LAMA5: variants seen among roughly 807,000 people sequenced by gnomAD.
LAMA5 encodes the protein laminin subunit alpha-5.
A neutral mutation model predicts 433.4 loss-of-function variants in LAMA5; 260 were observed. That is an observed-to-expected ratio of 0.60 (90% CI 0.54 to 0.66). The LOEUF (loss-of-function observed/expected upper bound fraction) is 0.66, where lower values mean the gene tolerates loss of function less well. LAMA5 is among the 30% of genes least tolerant of loss of function. The pLI is 0.00. For synonymous variants in LAMA5, 2,620 were observed against 2,226.6 expected, an observed-to-expected ratio of 1.18 and a Z score of -4.97; for missense variants, 5,378 against 5,258.5, an observed-to-expected ratio of 1.02 and a Z score of -0.70.
At position 62,362,442 on chromosome 20, in the gene LAMA5, G is replaced by T; in HGVS notation, c.408C>A (p.Gly136=). 6.3e-7 allele frequency: 1 copy of T among 1,587,804 alleles called. No homozygotes were observed. ...RWWQSPPLSR[G]LEYNEVNVTL... is the part of the protein sequence containing the mutation. ...TGACGTTGACCTCGTTGTACTCCAG[G>T]CCGCGGGACAGCGGTGGACTCTGCC... is the stretch of plus-strand genomic sequence containing the variant. Residue 136 remains glycine, a synonymous_variant, in exon 2 of 80, where the codon GGC becomes GGA. Coordinates refer to ENST00000252999, the MANE Select transcript of LAMA5 (RefSeq NM_005560.6).
intron 6 of LAMA5, among the ~76,000 whole-genome samples, chr20:62,348,461 G>A (rs1983699477): frequency 6.6e-6 from 1 of 152,032 alleles, no homozygotes; most frequent in South Asian, 2.1e-4. Context: ...CAAAAAATTA[G>A]CCGGGTGTGG....
intron 48 of LAMA5, among the ~76,000 whole-genome samples, chr20:62,321,726 T>TGGAGGGGTGGTGC (rs1987822246): frequency 1.6e-5 from 1 of 63,810 alleles, no homozygotes. Context: ...AGGGGTGGGG[T>TGGAGGGGTGGTGC]CAGTGGAGGG....
At chr20:62,342,657 C>T (rs4925381) in intron 11 of LAMA5, among the ~76,000 whole-genome samples, 8,586 of 151,434 alleles carry the variant, frequency 0.057, 326 homozygotes, top group East Asian at 0.17. Flanking sequence ...CCAGTCTGGG[C>T]GACAGAGCGA....
At position 62,322,150 on chromosome 20, in the gene LAMA5, C is replaced by T. The variant is rs539783247; in HGVS notation, c.6365G>A (p.Gly2122Asp). ...QGCRRCQCPG[G>D]RCDPHTGRCN... is the part of the protein sequence containing the mutation. ...GCGGCCCGTGTGAGGGTCACAGCGG[C>T]CCCCAGGGCACTGGCAGCCTGTGGT... The change falls in exon 48 of 80, where the codon GGC becomes GAC. Residue 2122 changes from glycine (G) to aspartate (D), a missense_variant. Physicochemically the swap from Gly to Asp is moderately conservative, Grantham distance 94. Coordinates refer to ENST00000252999, the MANE Select transcript of LAMA5 (RefSeq NM_005560.6). 1.9e-6 allele frequency: 3 copies of T among 1,597,258 alleles called. No homozygotes were observed. The highest frequency in any genetic ancestry group is 1.3e-5 in the African/African-American group (1 of 74,620).
intron 6 of LAMA5, among the ~76,000 whole-genome samples, chr20:62,350,389 A>G (rs921308102): frequency 7.2e-5 from 11 of 152,124 alleles, no homozygotes; most frequent in Admixed American, 5.9e-4. Flanking sequence ...CCTCCGGCTC[A>G]GGTGACTGTG....
chr20:62,325,586 A>G, intron 40 of LAMA5, 40 bp from the exon 41 acceptor site: 2 of 1,386,522 alleles, frequency 1.4e-6, no homozygotes, highest in Non-Finnish European at 2.0e-6. Context: ...GCCACACTCA[A>G]TGGGACAGAA....
intron 2 of LAMA5, among the ~76,000 whole-genome samples, chr20:62,360,315 GGGGTGGGT>G (rs1214419452): frequency 4.1e-4 from 4 of 9,686 alleles, no homozygotes; most frequent in Admixed American, 2.4e-3. Flanking sequence ...CATAGGTAGG[GGGGTGGGT>G]GGGTGGATGG....
rs766399151 is a variant in LAMA5, at chr20:62,346,953, C to T, written c.1032G>A (p.Pro344=). Residue 344 remains proline, a synonymous_variant, in exon 7 of 80, where the codon CCG becomes CCA. Coordinates refer to ENST00000252999, the MANE Select transcript of LAMA5 (RefSeq NM_005560.6). ...DRCCPGFNQQ[P]WKPATANSAN... is the part of the protein sequence containing the mutation. ...CACTGTTGGCAGTCGCAGGCTTCCA[C>T]GGCTGCTGATTGAAGCCGGGGCAGC... 41 of 1,612,694 alleles carry T rather than the reference C, an allele frequency of 2.5e-5. No homozygotes were observed. Among genetic ancestry groups the T allele is most frequent in the South Asian group, 9.9e-5 (9 of 91,076 alleles).
Position 62,359,129 on chromosome 20 carries a change from G to C in LAMA5, c.450+3271C>G, listed in dbSNP as rs1293015296. ...CCCCACCTGTAGCACCTGCAGCGTGGCCTGCTCTACAGAGAACAAAGCAGG... is the reference window on the plus strand; with the variant it reads ...CCCCACCTGTAGCACCTGCAGCGTGCCCTGCTCTACAGAGAACAAAGCAGG... On this transcript the variant is annotated intron_variant, in intron 2 of 79. Transcript: ENST00000252999. The surrounding 1 kb of genome is among the most constrained non-coding windows in gnomAD (Gnocchi z 4.3). Among the ~76,000 whole-genome samples the C allele has an allele frequency of 1.3e-5, 2 of 152,192 alleles. No individual in the cohort carries two copies. Among genetic ancestry groups the C allele is most frequent in the Non-Finnish European group, 2.9e-5 (2 of 68,024 alleles).
chr20:62,364,128 G>C (rs571427524), intron 1 of LAMA5, among the ~76,000 whole-genome samples: 2 of 152,200 alleles, frequency 1.3e-5, no homozygotes, highest in Non-Finnish European at 2.9e-5. Context: ...GATGGGGCTA[G>C]AGCAACTGAA....
intron 48 of LAMA5, among the ~76,000 whole-genome samples, chr20:62,321,694 G>A (rs1336621945): frequency 1.2e-5 from 1 of 85,398 alleles, no homozygotes; most frequent in Non-Finnish European, 2.6e-5. Flanking sequence ...GGTGGGGTCA[G>A]TGGGGGAGGC....
At chr20:62,322,847 C>T in intron 45 of LAMA5, 89 bp from the exon 46 acceptor site, 8 of 844,554 alleles carry the variant, frequency 9.5e-6, no homozygotes, top group East Asian at 6.0e-5. Context: ...ACTTCACTGC[C>T]TCCTGCTGTG....
chr20:62,323,408 C>A (rs1488663052), intron 45 of LAMA5, 48 bp downstream of exon 45: 1 of 1,423,608 alleles, frequency 7.0e-7, no homozygotes, highest in Non-Finnish European at 9.4e-7. Flanking sequence ...CCTCCCTCCT[C>A]CCCGCGCAAC....
Position 62,311,729 on chromosome 20 carries a change from G to T in LAMA5, c.9691C>A (p.Pro3231Thr). The T allele has an allele frequency of 6.4e-7, 1 of 1,560,800 alleles. No individual in the cohort carries two copies. Among genetic ancestry groups the T allele is most frequent in the Non-Finnish European group, 8.7e-7 (1 of 1,153,712 alleles). Residue 3231 changes from proline (P) to threonine (T), a missense_variant, in exon 71 of 80, where the codon CCC (proline) becomes ACC (threonine). By Grantham distance (38) the Pro-to-Thr change is conservative. Coordinates refer to ENST00000252999, the MANE Select transcript of LAMA5 (RefSeq NM_005560.6). ...LQQMKPHRGP[P>T]PELQPQPEGP... ...TCAGGCTGCGGCTGGAGCTCGGGGG[G>T]TGGTCCCCGGTGGGGCTTCATCTGC... is the stretch of plus-strand genomic sequence containing the variant.
At chr20:62,310,610 C>A (rs1221113013) in intron 75 of LAMA5, 38 bp from the exon 76 acceptor site, 2 of 1,579,092 alleles carry the variant, frequency 1.3e-6, no homozygotes, top group East Asian at 2.2e-5. Flanking sequence ...GGGCCCAGGG[C>A]AGCTGAAAGG....
rs749322746 is a variant in LAMA5, at chr20:62,315,186, G to A, written c.7889C>T (p.Ala2630Val). The change falls in exon 59 of 80, where the codon GCA becomes GTA. Residue 2630 changes from alanine to valine, a missense_variant. Ala to Val is a moderately conservative substitution (Grantham distance 64). Coordinates refer to ENST00000252999, the MANE Select transcript of LAMA5 (RefSeq NM_005560.6). Reference sequence around the variant, plus strand: ...TTCAGCAGCCACAGCCTTGGCATGTGCGATCTTCTTGCTTGTCTCGTCTGT... The same window carrying A: ...TTCAGCAGCCACAGCCTTGGCATGTACGATCTTCTTGCTTGTCTCGTCTGT... Reference protein sequence around the residue: ...MDTDETSKKIAHAKAVAAEAQ... With the variant: ...MDTDETSKKIVHAKAVAAEAQ... 19 of 1,609,404 alleles carry A rather than the reference G, an allele frequency of 1.2e-5. 1 individual carries two copies. Among genetic ancestry groups the A allele is most frequent in the Middle Eastern group, 1.7e-4 (1 of 6,054 alleles).
At chr20:62,317,550 C>T in intron 54 of LAMA5, 51 bp from the exon 55 acceptor site, 2 of 1,524,324 alleles carry the variant, frequency 1.3e-6, no homozygotes, top group Non-Finnish European at 1.8e-6. Context: ...CCACCTGATC[C>T]ACGACCCTGA....
In LAMA5 at chr20:62,313,027, G is replaced by C; in HGVS notation, c.8956-17C>G. Reference sequence around the variant, plus strand: ...GAACTGGCTCTGCAGAAACAGGGCAGGGTTAGTGTGGGGCAGGGTCAGTGC... The same window carrying C: ...GAACTGGCTCTGCAGAAACAGGGCACGGTTAGTGTGGGGCAGGGTCAGTGC... On this transcript the variant is annotated splice_polypyrimidine_tract_variant and intron_variant, in intron 65 of 79. Transcript: ENST00000252999. The C allele has an allele frequency of 6.3e-7, 1 of 1,591,000 alleles. No homozygotes were observed. The highest frequency in any genetic ancestry group is 1.7e-5 in the Admixed American group (1 of 59,122).
chr20:62,314,203 G>A (rs958265894), intron 62 of LAMA5, 101 bp downstream of exon 62: 14 of 1,420,310 alleles, frequency 9.9e-6, no homozygotes, highest in Non-Finnish European at 1.3e-5. Context: ...AGTGGGCATG[G>A]AGAGGTGAAG....
Sources: gnomAD v4.1 joint callset for allele counts (sites outside exome capture counted in the v4.1 genomes callset) on GRCh38, gnomAD v4.1.1 for gene constraint, Gnocchi (gnomAD v3.1) non-coding constraint, MANE v1.5 for transcripts, NCBI Gene and HGNC (gene_info 2026-07-23, HGNC 2026-07-21) for gene names.